The following CCND2 variants were observed in gnomAD, a reference collection of about 807,000 sequenced individuals.
CCND2 encodes cyclin D2.
In CCND2, 6 loss-of-function variants were observed where a neutral mutation model predicts 30.2. The ratio of observed to expected loss-of-function variants is 0.20; its 90% CI spans 0.11 to 0.39. CCND2 has a LOEUF of 0.39. Among genes scored for constraint, CCND2 ranks in the 10% least tolerant of loss-of-function variants. The pLI is 1.00. For synonymous variants in CCND2, 150 were observed against 153.1 expected, an observed-to-expected ratio of 0.98 and a Z score of 0.15; for missense variants, 235 against 373.4, an observed-to-expected ratio of 0.63 and a Z score of 3.06.
chr12:4,291,877 A>G (rs1485740572), intron 4 of CCND2, among the ~76,000 whole-genome samples: 1 of 152,198 alleles, frequency 6.6e-6, no homozygotes, highest in Non-Finnish European at 1.5e-5. Flanking sequence ...GTATGATTCC[A>G]CTTATACCAG....
chr12:4,283,684 A>G (rs1308095611), intron 3 of CCND2, among the ~76,000 whole-genome samples: 1 of 152,206 alleles, frequency 6.6e-6, no homozygotes. Context: ...TCCAGCTGGG[A>G]TTCCCCTAAG....
chr12:4,289,933 A>G (rs1454078976), intron 4 of CCND2, among the ~76,000 whole-genome samples: 1 of 152,120 alleles, frequency 6.6e-6, no homozygotes, highest in Non-Finnish European at 1.5e-5. Flanking sequence ...TGGTTTGAAA[A>G]AAAACCCTGG....
At position 4,293,842 on chromosome 12, in the gene CCND2, C is replaced by T. The variant is rs3217884; in HGVS notation, c.720+4852C>T. On this transcript the variant is annotated intron_variant, in intron 4 of 4. Coordinates refer to ENST00000261254, the MANE Select transcript of CCND2 (RefSeq NM_001759.4). This position sits in a 1 kb window ranked among gnomAD's most constrained non-coding sequence, Gnocchi z 4.9. ...CTGTCTTCTGTGGACTCTTCAGGGCCTGTGGTCAGGAACCTTGTGAAGTGT... is the reference window on the plus strand; with the variant it reads ...CTGTCTTCTGTGGACTCTTCAGGGCTTGTGGTCAGGAACCTTGTGAAGTGT... 0.025 allele frequency among the ~76,000 whole-genome samples: 3,820 copies of T among 152,272 alleles called. 66 individuals are homozygous for T. Among genetic ancestry groups the T allele is most frequent in the Non-Finnish European group, 0.037 (2,486 of 68,022 alleles).
In CCND2 at chr12:4,285,201, C is replaced by A. The variant is rs143983154; in HGVS notation, c.572-3641C>A. Reference sequence around the variant, plus strand: ...GGGGAGTCCTCCATGCTGCCTGGAACAGGGAGGAGCACATTGTCATGAGTC... The same window carrying A: ...GGGGAGTCCTCCATGCTGCCTGGAAAAGGGAGGAGCACATTGTCATGAGTC... On this transcript the variant is annotated intron_variant, in intron 3 of 4. Transcript: ENST00000261254. The surrounding 1 kb of genome is among the most constrained non-coding windows in gnomAD (Gnocchi z 4.1). 4.3e-4 allele frequency: 324 copies of A among 757,724 alleles called. 1 individual carries two copies. In the African/African-American group the frequency reaches 5.9e-3, roughly 14 times the overall value. The allele number at this position is 757,724 out of a possible 1,614,324, so 46.9% of individuals were successfully genotyped here.
At chr12:4,278,626 C>A in intron 2 of CCND2, 134 bp from the exon 3 acceptor site, 1 of 708,936 alleles carries the variant, frequency 1.4e-6, no homozygotes, top group Non-Finnish European at 2.3e-6. Flanking sequence ...GACAAATGGG[C>A]CCGCCTTACA....
intron 4 of CCND2, among the ~76,000 whole-genome samples, chr12:4,294,779 A>C (rs948437543): frequency 6.6e-6 from 1 of 152,182 alleles, no homozygotes; most frequent in Non-Finnish European, 1.5e-5. Flanking sequence ...TGGACCTCCA[A>C]ATTCTCCAAG....
rs549365746 is a variant in CCND2, at chr12:4,290,488, C to T, written c.720+1498C>T. Reference sequence around the variant, plus strand: ...CTTTTCTGAATGTCTCCAATTAAGGCTGCCTTACAAATAGGACTCTCAGCC... The same window carrying T: ...CTTTTCTGAATGTCTCCAATTAAGGTTGCCTTACAAATAGGACTCTCAGCC... On this transcript the variant is annotated intron_variant, in intron 4 of 4. Coordinates refer to ENST00000261254, the MANE Select transcript of CCND2 (RefSeq NM_001759.4). 2.6e-5 allele frequency among the ~76,000 whole-genome samples: 4 copies of T among 152,326 alleles called. No homozygotes were observed. The East Asian group carries it at 5.8e-4, about 22-fold the overall frequency.
At chr12:4,278,476 A>G (rs1319990041) in intron 2 of CCND2, among the ~76,000 whole-genome samples, 1 of 152,154 alleles carries the variant, frequency 6.6e-6, no homozygotes, top group African/African-American at 2.4e-5. Flanking sequence ...GGGAGGGGGT[A>G]AGGGGAGCTG....
chr12:4,302,728 AG>A lies in CCND2; in HGVS notation c.*2721del. On this transcript the variant is annotated 3_prime_UTR_variant, in exon 5 of 5. Coordinates refer to ENST00000261254, the MANE Select transcript of CCND2 (RefSeq NM_001759.4). ...TAAGTATGGGATGATAGTTGAAGGG[AG>A]GTGAAGAGGCTGCTTCTCTACAGAG... The A allele has an allele frequency of 4.3e-6, 1 of 233,376 alleles. No individual in the cohort carries two copies. The highest frequency in any genetic ancestry group is 6.0e-5 in the East Asian group (1 of 16,582). The allele number at this position is 233,376 out of a possible 1,614,324, so 14.5% of individuals were successfully genotyped here.
At position 4,305,116 on chromosome 12, in the gene CCND2, A is replaced by G. The variant is rs1208162405; in HGVS notation, c.*5107A>G. 1 of 233,336 alleles carries G rather than the reference A, an allele frequency of 4.3e-6. No individual in the cohort carries two copies. Among genetic ancestry groups the G allele is most frequent in the African/African-American group, 2.2e-5 (1 of 45,272 alleles). The allele number at this position is 233,336 out of a possible 1,614,324, so 14.5% of individuals were successfully genotyped here. Reference sequence around the variant, plus strand: ...TTGGTCAGGATGTTAGAAAGTGCTGATAAGTAGCATGATCAGTGTATGCGA... The same window carrying G: ...TTGGTCAGGATGTTAGAAAGTGCTGGTAAGTAGCATGATCAGTGTATGCGA... On this transcript the variant is annotated 3_prime_UTR_variant, in exon 5 of 5. Transcript: ENST00000261254. The surrounding 1 kb of genome is among the most constrained non-coding windows in gnomAD (Gnocchi z 6.4).
chr12:4,298,790 G>C (rs868726007), intron 4 of CCND2, among the ~76,000 whole-genome samples: 13 of 152,194 alleles, frequency 8.5e-5, no homozygotes, highest in Admixed American at 7.9e-4. Flanking sequence ...TCTACGGTTT[G>C]CACCCTCTTA....
chr12:4,300,197 T>C lies in CCND2; in HGVS notation c.*188T>C. 1 of 577,806 alleles carries C rather than the reference T, an allele frequency of 1.7e-6. No individual in the cohort carries two copies. Among genetic ancestry groups the C allele is most frequent in the Non-Finnish European group, 3.0e-6 (1 of 332,978 alleles). 35.8% of individuals were successfully genotyped at this position (577,806 alleles called of 1,614,324 possible). ...TACGAAAACGGAATAATAAAAAGCA[T>C]TTGGTGCCTATTTGAAGTACAGCAT... On this transcript the variant is annotated 3_prime_UTR_variant, in exon 5 of 5. Coordinates refer to ENST00000261254, the MANE Select transcript of CCND2 (RefSeq NM_001759.4).
chr12:4,278,860 G>T lies in CCND2; in HGVS notation c.512G>T (p.Arg171Leu), dbSNP rs367874736. ...ATCTTGCGCAAGCTGCCCCAGCAGC[G>T]GGAGAAGCTGTCTCTGATCCGCAAG... is the stretch of plus-strand genomic sequence containing the variant. ...EHILRKLPQQ[R>L]EKLSLIRKHA... Residue 171 changes from arginine to leucine, a missense_variant, in exon 3 of 5, where the codon CGG becomes CTG. Physicochemically the swap from Arg to Leu is moderately radical, Grantham distance 102. Transcript: ENST00000261254. 2 of 1,614,154 alleles carry T rather than the reference G, an allele frequency of 1.2e-6. No individual in the cohort carries two copies. Among genetic ancestry groups the T allele is most frequent in the Non-Finnish European group, 1.7e-6 (2 of 1,180,008 alleles).
At chr12:4,296,666 G>T (rs936441106) in intron 4 of CCND2, among the ~76,000 whole-genome samples, 4 of 150,786 alleles carry the variant, frequency 2.7e-5, no homozygotes, top group Non-Finnish European at 5.9e-5. Context: ...TGCCTCTATG[G>T]TATGGAGATA....
Position 4,273,815 on chromosome 12 carries a change from G to C in CCND2, c.-226G>C, listed in dbSNP as rs1339351886. Reference sequence around the variant, plus strand: ...CGAGACCAGTTTTAAGGGGAGGACCGGTGCGAGTGAGGCAGCCCCGAGGCT... The same window carrying C: ...CGAGACCAGTTTTAAGGGGAGGACCCGTGCGAGTGAGGCAGCCCCGAGGCT... On this transcript the variant is annotated 5_prime_UTR_variant, in exon 1 of 5. Transcript: ENST00000261254. The surrounding 1 kb of genome is among the most constrained non-coding windows in gnomAD (Gnocchi z 5.9). 5 of 589,356 alleles carry C rather than the reference G, an allele frequency of 8.5e-6. No individual in the cohort carries two copies. The highest frequency in any genetic ancestry group is 1.5e-5 in the Non-Finnish European group (5 of 331,660). 36.5% of individuals were successfully genotyped at this position (589,356 alleles called of 1,614,324 possible).
In CCND2 at chr12:4,274,668, T is replaced by TC. The variant is rs1157655503; in HGVS notation, c.195+437dup. On this transcript the variant is annotated intron_variant, in intron 1 of 4. Coordinates refer to ENST00000261254, the MANE Select transcript of CCND2 (RefSeq NM_001759.4). This position sits in a 1 kb window ranked among gnomAD's most constrained non-coding sequence, Gnocchi z 7.7. ...AGAGCAAATTCGTCTTGGCCTCAGG[T>TC]CCCCGCCTGTGGTCGCGACTCCGCG... Among the ~76,000 whole-genome samples the TC allele has an allele frequency of 1.3e-5, 2 of 151,816 alleles. No homozygotes were observed. The highest frequency in any genetic ancestry group is 4.8e-5 in the African/African-American group (2 of 41,272).
In CCND2 at chr12:4,303,660, G is replaced by A. The variant is rs754868418; in HGVS notation, c.*3651G>A. The A allele has an allele frequency of 1.2e-4, 29 of 233,588 alleles. No individual in the cohort carries two copies. The highest frequency in any genetic ancestry group is 3.4e-4 in the Admixed American group (6 of 17,790). 14.5% of individuals were successfully genotyped at this position (233,588 alleles called of 1,614,324 possible). ...TGCTAAGCATAATTAAACTCCATGC[G>A]GGTCCATAACAGCCAAGAAGCCTGC... is the stretch of plus-strand genomic sequence containing the variant. On this transcript the variant is annotated 3_prime_UTR_variant, in exon 5 of 5. Transcript: ENST00000261254. The surrounding 1 kb of genome is among the most constrained non-coding windows in gnomAD (Gnocchi z 4.6).
Position 4,299,550 on chromosome 12 carries a change from G to A in CCND2, c.721-310G>A, listed in dbSNP as rs999096891. On this transcript the variant is annotated intron_variant, in intron 4 of 4. Coordinates refer to ENST00000261254, the MANE Select transcript of CCND2 (RefSeq NM_001759.4). This position sits in a 1 kb window ranked among gnomAD's most constrained non-coding sequence, Gnocchi z 5.2. Reference sequence around the variant, plus strand: ...GCATCCATAAGTGACCATCATTTAGGCCAGTGCTTCTCAGAATGCCAATCA... The same window carrying A: ...GCATCCATAAGTGACCATCATTTAGACCAGTGCTTCTCAGAATGCCAATCA... Among the ~76,000 whole-genome samples, 4 of 152,086 alleles carry A rather than the reference G, an allele frequency of 2.6e-5. No homozygotes were observed. Among genetic ancestry groups the A allele is most frequent in the African/African-American group, 9.7e-5 (4 of 41,416 alleles).
At chr12:4,283,360 C>T (rs1278750028) in intron 3 of CCND2, among the ~76,000 whole-genome samples, 2 of 152,180 alleles carry the variant, frequency 1.3e-5, no homozygotes, top group African/African-American at 2.4e-5. Context: ...TCTCCCACTT[C>T]CGACGTGAAA....
Sources: allele counts gnomAD v4.1 joint callset (sites outside exome capture counted in the v4.1 genomes callset), GRCh38; gene constraint gnomAD v4.1.1; non-coding constraint Gnocchi (gnomAD v3.1); transcripts MANE v1.5; gene names NCBI Gene and HGNC (gene_info 2026-07-23, HGNC 2026-07-21).